Variants in ERGIC1 observed in about 807,000 individuals in gnomAD.
ERGIC1 encodes the protein endoplasmic reticulum-golgi intermediate compartment 1.
Under a neutral mutation model 38.3 loss-of-function variants are expected in ERGIC1, and 19 were observed. That is an observed-to-expected ratio of 0.50 (90% CI 0.35 to 0.73). The LOEUF is 0.73. ERGIC1 is among the 30% of genes least tolerant of loss of function. The probability of loss-of-function intolerance (pLI) is 0.01; values close to 1 mark genes in which losing one functional copy is unlikely to be tolerated. For missense variants in ERGIC1, 294 were observed against 389.2 expected, an observed-to-expected ratio of 0.76 and a Z score of 2.06; for synonymous variants, 124 against 157.6, an observed-to-expected ratio of 0.79 and a Z score of 1.60.
In ERGIC1 at chr5:172,935,136, G is replaced by GC. The variant is rs1435988451; in HGVS notation, c.643-45dup. 68 of 1,611,140 alleles carry GC rather than the reference G, an allele frequency of 4.2e-5. No homozygotes were observed. In the Middle Eastern group the frequency reaches 4.9e-4, roughly 12 times the overall value. Reference sequence around the variant, plus strand: ...GGGGGCCCTCTGCAATCCAGTCCCCGCCCCCCCTGAGACACAGTTTGTACT... The same window carrying GC: ...GGGGGCCCTCTGCAATCCAGTCCCCGCCCCCCCCTGAGACACAGTTTGTACT... On this transcript the variant is annotated intron_variant, in intron 8 of 9. Coordinates refer to ENST00000393784, the MANE Select transcript of ERGIC1 (RefSeq NM_001031711.3).
At chr5:172,938,666 C>G (rs985477391) in intron 9 of ERGIC1, among the ~76,000 whole-genome samples, 13 of 151,536 alleles carry the variant, frequency 8.6e-5, no homozygotes, top group Non-Finnish European at 1.5e-4. Flanking sequence ...GCCGGAGAAT[C>G]CCTTGAAACC....
intron 2 of ERGIC1, among the ~76,000 whole-genome samples, chr5:172,895,895 G>A (rs1476682455): frequency 3.9e-5 from 6 of 152,118 alleles, no homozygotes; most frequent in South Asian, 4.1e-4. Context: ...GGTGAGTGGA[G>A]TTGAGGGCCG....
chr5:172,858,846 C>T (rs1761624707), intron 1 of ERGIC1, among the ~76,000 whole-genome samples: 1 of 152,208 alleles, frequency 6.6e-6, no homozygotes, highest in Non-Finnish European at 1.5e-5. Flanking sequence ...ATGTTTGGGG[C>T]CAAAGTCCAT....
rs1026710947 is a variant in ERGIC1 at position 172,951,164 on chromosome 5, C to G, written c.*348C>G. 2 of 181,574 alleles carry G rather than the reference C, an allele frequency of 1.1e-5. No homozygotes were observed. The highest frequency in any genetic ancestry group is 2.3e-5 in the Non-Finnish European group (2 of 87,202). The allele number at this position is 181,574 out of a possible 1,614,324, so 11.2% of individuals were successfully genotyped here. On this transcript the variant is annotated 3_prime_UTR_variant, in exon 10 of 10. Transcript: ENST00000393784. Reference sequence around the variant, plus strand: ...ATCCCAGAATGCATATCGATCAGCTCTCAGCCAGGCTTCGACAATCTCGCA... The same window carrying G: ...ATCCCAGAATGCATATCGATCAGCTGTCAGCCAGGCTTCGACAATCTCGCA...
At chr5:172,937,165 G>T (rs793227) in intron 9 of ERGIC1, 1 of 151,976 alleles carries the variant, frequency 6.6e-6, no homozygotes, top group African/African-American at 2.4e-5. Context: ...AATCTCACAC[G>T]CAGCCTGGGA....
At chr5:172,940,128 G>A (rs1213515855) in intron 9 of ERGIC1, among the ~76,000 whole-genome samples, 1 of 152,108 alleles carries the variant, frequency 6.6e-6, no homozygotes, top group East Asian at 1.9e-4. Context: ...TGGAGGGAGG[G>A]AGGGTAGAGG....
At chr5:172,883,727 A>C (rs1432630536) in intron 1 of ERGIC1, among the ~76,000 whole-genome samples, 1 of 152,166 alleles carries the variant, frequency 6.6e-6, no homozygotes, top group Non-Finnish European at 1.5e-5. Flanking sequence ...CATGCCTGTA[A>C]TCCCAATACT....
In ERGIC1 at chr5:172,926,908, A is replaced by G; in HGVS notation, c.541+339A>G. The G allele has an allele frequency of 3.3e-6, 1 of 299,600 alleles. No homozygotes were observed. The highest frequency in any genetic ancestry group is 6.5e-6 in the Non-Finnish European group (1 of 153,966). The allele number at this position is 299,600 out of a possible 1,614,324, so 18.6% of individuals were successfully genotyped here. A position where few individuals can be genotyped will look rare whatever the true frequency, so the allele number is the denominator to read the frequency against. On this transcript the variant is annotated intron_variant, in intron 7 of 9. Coordinates refer to ENST00000393784, the MANE Select transcript of ERGIC1 (RefSeq NM_001031711.3). This position sits in a 1 kb window ranked among gnomAD's most constrained non-coding sequence, Gnocchi z 5.2. ...AAGATCCCACAGGGAGCTATGGCAGAACCAGGATCTGTTCTGCCTCCAGGT... is the reference window on the plus strand; with the variant it reads ...AAGATCCCACAGGGAGCTATGGCAGGACCAGGATCTGTTCTGCCTCCAGGT...
chr5:172,906,071 A>G (rs918987804), intron 3 of ERGIC1: 4 of 456,022 alleles, frequency 8.8e-6, no homozygotes, highest in African/African-American at 8.0e-5. Flanking sequence ...AAATCCAGCT[A>G]GTCCTGTCTG....
intron 9 of ERGIC1, among the ~76,000 whole-genome samples, chr5:172,945,832 C>T (rs1764110138): frequency 6.6e-6 from 1 of 152,108 alleles, no homozygotes. Flanking sequence ...TTACAGGCAC[C>T]TGCCACCATG....
At chr5:172,901,898 C>T (rs1380279327) in intron 3 of ERGIC1, among the ~76,000 whole-genome samples, 1 of 152,182 alleles carries the variant, frequency 6.6e-6, no homozygotes, top group African/African-American at 2.4e-5. Flanking sequence ...CTGCCCCCGG[C>T]AGGTCAGCAC....
intron 1 of ERGIC1, among the ~76,000 whole-genome samples, chr5:172,872,992 A>T (rs1014280267): frequency 1.3e-5 from 2 of 152,148 alleles, no homozygotes; most frequent in Non-Finnish European, 2.9e-5. Context: ...CTAAACTTAA[A>T]AACACTGACA....
Position 172,899,067 on chromosome 5 carries a change from G to A in ERGIC1, c.155+1993G>A, listed in dbSNP as rs187381263. On this transcript the variant is annotated intron_variant, in intron 3 of 9. Transcript: ENST00000393784. ...GGCAGGCCTGTCATGTTCTGAGCAA[G>A]GTGACAGAGGCACACATGTGTCATC... is the stretch of plus-strand genomic sequence containing the variant. 8.5e-5 allele frequency among the ~76,000 whole-genome samples: 13 copies of A among 152,294 alleles called. No homozygotes were observed. The East Asian group carries it at 2.3e-3, about 27-fold the overall frequency.
Position 172,868,874 on chromosome 5 carries a change from A to G in ERGIC1, c.21-19825A>G, listed in dbSNP as rs547351185. Among the ~76,000 whole-genome samples the G allele has an allele frequency of 3.3e-4, 50 of 152,346 alleles. 1 individual carries two copies. The highest frequency in any genetic ancestry group is 2.8e-3 in the Admixed American group (43 of 15,308). Reference sequence around the variant, plus strand: ...TAAAACTGCTCTAAAAATATAGCCTATGTTTTAAAAGAGGGAAAAAAGAAA... The same window carrying G: ...TAAAACTGCTCTAAAAATATAGCCTGTGTTTTAAAAGAGGGAAAAAAGAAA... On this transcript the variant is annotated intron_variant, in intron 1 of 9. Transcript: ENST00000393784.
At chr5:172,911,263 C>A (rs1043095695) in intron 4 of ERGIC1, among the ~76,000 whole-genome samples, 2 of 152,180 alleles carry the variant, frequency 1.3e-5, no homozygotes, top group East Asian at 3.9e-4. Flanking sequence ...AGCCAGGGAA[C>A]CTGTTGAAAT....
Position 172,846,423 on chromosome 5 carries a change from G to A in ERGIC1, c.20+11990G>A, listed in dbSNP as rs1761283605. Among the ~76,000 whole-genome samples the A allele has an allele frequency of 6.6e-6, 1 of 152,196 alleles. No homozygotes were observed. The highest frequency in any genetic ancestry group is 2.4e-5 in the African/African-American group (1 of 41,444). On this transcript the variant is annotated intron_variant, in intron 1 of 9. Transcript: ENST00000393784. The surrounding 1 kb of genome is among the most constrained non-coding windows in gnomAD (Gnocchi z 4.0). ...CTTGTAAGAACCCATTGTCCTCCCT[G>A]GCCTGCCCCTTGTGCCAGGCTGATG...
intron 3 of ERGIC1, among the ~76,000 whole-genome samples, chr5:172,905,002 C>T (rs1762981275): frequency 1.3e-5 from 2 of 152,210 alleles, no homozygotes; most frequent in African/African-American, 2.4e-5. Context: ...TCTGCTTATT[C>T]TGGTTAGGAA....
At chr5:172,858,915 C>A (rs561009593) in intron 1 of ERGIC1, among the ~76,000 whole-genome samples, 1 of 152,228 alleles carries the variant, frequency 6.6e-6, no homozygotes, top group Admixed American at 6.5e-5. Context: ...TTTGGACAGT[C>A]ACACCAGGTC....
rs750671635 is a variant in ERGIC1 at position 172,914,657 on chromosome 5, C to T, written c.251-57C>T. 29 of 1,613,204 alleles carry T rather than the reference C, an allele frequency of 1.8e-5. 1 individual carries two copies. Among genetic ancestry groups the T allele is most frequent in the African/African-American group, 1.3e-4 (10 of 75,034 alleles). On this transcript the variant is annotated intron_variant, in intron 4 of 9. Coordinates refer to ENST00000393784, the MANE Select transcript of ERGIC1 (RefSeq NM_001031711.3). ...AAGGCTCCCAGAGAGAACAGGCTGG[C>T]CCCCATCCTCCCGCGTCTCTGGGTT... is the stretch of plus-strand genomic sequence containing the variant.
Sources: allele counts gnomAD v4.1 joint callset (sites outside exome capture counted in the v4.1 genomes callset), GRCh38; gene constraint gnomAD v4.1.1; non-coding constraint Gnocchi (gnomAD v3.1); transcripts MANE v1.5; gene names NCBI Gene and HGNC (gene_info 2026-07-23, HGNC 2026-07-21).